Variants in AUTS2 observed in about 807,000 individuals in gnomAD.
The protein encoded by AUTS2 is activator of transcription and developmental regulator AUTS2.
Under a neutral mutation model 112.4 loss-of-function variants are expected in AUTS2, and 17 were observed. The ratio of observed to expected loss-of-function variants is 0.15; its 90% CI spans 0.10 to 0.23. AUTS2 has a LOEUF of 0.23. AUTS2 is among the 10% of genes least tolerant of loss of function. AUTS2 has a pLI of 1.00. For missense variants in AUTS2, 1,510 were observed against 1,701.6 expected (o/e 0.89, Z 1.98); for synonymous variants, 751 against 702.7 (o/e 1.07, Z -1.09).
chr7:69,644,015 A>C lies in AUTS2; in HGVS notation c.309+44053A>C, dbSNP rs189126722. Among the ~76,000 whole-genome samples the C allele has an allele frequency of 3.2e-3, 482 of 152,314 alleles. 2 individuals are homozygous for C. Among genetic ancestry groups the C allele is most frequent in the Non-Finnish European group, 5.7e-3 (390 of 68,028 alleles). On this transcript the variant is annotated intron_variant, in intron 1 of 18. Transcript: ENST00000342771. ...TAAAAAAGAGAAAGTGACCATCTAC[A>C]AGCCAGGAAGAGAGCCCCCACCAGA...
intron 4 of AUTS2, among the ~76,000 whole-genome samples, chr7:70,370,974 G>C (rs1356769813): frequency 1.3e-5 from 2 of 152,076 alleles, no homozygotes; most frequent in East Asian, 3.8e-4. Flanking sequence ...TGAGGGCTTT[G>C]ACAGAAGACT....
chr7:70,689,159 C>G (rs1281326294), intron 5 of AUTS2, among the ~76,000 whole-genome samples: 1 of 151,810 alleles, frequency 6.6e-6, no homozygotes, highest in Non-Finnish European at 1.5e-5. Context: ...GAGTTCAAGA[C>G]CAGCCTGGGA....
chr7:70,692,501 G>C (rs1037579157), intron 5 of AUTS2, among the ~76,000 whole-genome samples: 1 of 152,234 alleles, frequency 6.6e-6, no homozygotes, highest in Admixed American at 6.5e-5. Flanking sequence ...GAGGACCACA[G>C]CTGGGTATTG....
At chr7:70,128,518 A>T (rs1158731126) in intron 3 of AUTS2, among the ~76,000 whole-genome samples, 1 of 152,238 alleles carries the variant, frequency 6.6e-6, no homozygotes, top group Non-Finnish European at 1.5e-5. Context: ...GAAGGTAGAC[A>T]GGTGAAGGTC....
intron 5 of AUTS2, among the ~76,000 whole-genome samples, chr7:70,681,240 A>G (rs2866687): frequency 0.3 from 45,021 of 152,068 alleles, 6,987 homozygotes; most frequent in African/African-American, 0.31. Flanking sequence ...TGCGTGGGGC[A>G]TGGTGGTTTG....
At chr7:69,883,309 C>T (rs1482281288) in intron 1 of AUTS2, among the ~76,000 whole-genome samples, 1 of 145,544 alleles carries the variant, frequency 6.9e-6, no homozygotes, top group Non-Finnish European at 1.5e-5. Flanking sequence ...CTTTAGCAGG[C>T]AGGAAGATAT....
intron 4 of AUTS2, among the ~76,000 whole-genome samples, chr7:70,336,745 A>AG (rs1192504660): frequency 1.3e-5 from 2 of 151,952 alleles, no homozygotes; most frequent in Non-Finnish European, 2.9e-5. Flanking sequence ...TGGCTTTTGC[A>AG]GGGACGCTTG....
intron 1 of AUTS2, among the ~76,000 whole-genome samples, chr7:69,854,495 G>A (rs1221361307): frequency 1.3e-5 from 2 of 152,044 alleles, no homozygotes; most frequent in Non-Finnish European, 2.9e-5. Context: ...TCAATGAAAG[G>A]TAAAAGATAT....
chr7:69,776,195 A>G (rs544729946), intron 1 of AUTS2, among the ~76,000 whole-genome samples: 15 of 152,252 alleles, frequency 9.9e-5, no homozygotes, highest in African/African-American at 3.6e-4. Flanking sequence ...TGGGGGAAAA[A>G]TACTTATTAG....
intron 6 of AUTS2, among the ~76,000 whole-genome samples, chr7:70,737,802 T>C (rs1175591440): frequency 1.3e-5 from 2 of 152,194 alleles, no homozygotes; most frequent in Non-Finnish European, 2.9e-5. Flanking sequence ...TTAGAGCCCT[T>C]GGGCTTCATA....
chr7:70,295,935 A>G (rs1214882164), intron 4 of AUTS2, among the ~76,000 whole-genome samples: 1 of 152,176 alleles, frequency 6.6e-6, no homozygotes, highest in Non-Finnish European at 1.5e-5. Flanking sequence ...CCATCTGCCC[A>G]TCTGTCTGTC....
chr7:69,855,335 A>C (rs117630382), intron 1 of AUTS2, among the ~76,000 whole-genome samples: 2,187 of 152,314 alleles, frequency 0.014, 22 homozygotes, highest in Middle Eastern at 0.037. Context: ...ACGGAATTTT[A>C]TTATTGGACA....
chr7:69,767,077 G>A (rs1384195505), intron 1 of AUTS2, among the ~76,000 whole-genome samples: 1 of 152,214 alleles, frequency 6.6e-6, no homozygotes, highest in African/African-American at 2.4e-5. Flanking sequence ...ACGTTTGTAC[G>A]TGTGTGTGTT....
intron 6 of AUTS2, among the ~76,000 whole-genome samples, chr7:70,742,289 T>TC (rs1334424076): frequency 2.0e-5 from 3 of 151,988 alleles, no homozygotes; most frequent in South Asian, 2.1e-4. Context: ...TTCCAAAGTC[T>TC]CCCCCCGCCA....
chr7:69,758,376 T>C (rs1457867430), intron 1 of AUTS2, among the ~76,000 whole-genome samples: 1 of 152,204 alleles, frequency 6.6e-6, no homozygotes, highest in Non-Finnish European at 1.5e-5. Context: ...AGTCACTTTA[T>C]TACATCATTT....
intron 5 of AUTS2, among the ~76,000 whole-genome samples, chr7:70,664,535 C>G (rs1205729771): frequency 1.3e-5 from 2 of 152,160 alleles, no homozygotes; most frequent in Admixed American, 6.5e-5. Flanking sequence ...ATTATTTAAT[C>G]ATTAGGCAGT....
At chr7:70,243,440 G>T (rs986508502) in intron 4 of AUTS2, among the ~76,000 whole-genome samples, 11 of 151,850 alleles carry the variant, frequency 7.2e-5, no homozygotes, top group Admixed American at 3.3e-4. Context: ...TTATTTTGGG[G>T]GTCCAGGATT....
chr7:70,171,911 G>GT (rs1033809200), intron 4 of AUTS2, among the ~76,000 whole-genome samples: 9 of 151,396 alleles, frequency 5.9e-5, no homozygotes, highest in Non-Finnish European at 1.2e-4. Context: ...TTTTTGGGGG[G>GT]GGGTAGTTTT....
chr7:70,215,790 G>A (rs1811135509), intron 4 of AUTS2, among the ~76,000 whole-genome samples: 1 of 152,128 alleles, frequency 6.6e-6, no homozygotes, highest in South Asian at 2.1e-4. Flanking sequence ...TTTTGTACCT[G>A]TCTCATGATT....
Sources: gnomAD v4.1 joint callset for allele counts (sites outside exome capture counted in the v4.1 genomes callset) on GRCh38, gnomAD v4.1.1 for gene constraint, MANE v1.5 for transcripts, NCBI Gene and HGNC (gene_info 2026-07-23, HGNC 2026-07-21) for gene names.